The following HEMK2 variants were observed in gnomAD, a reference collection of about 807,000 sequenced individuals.
HEMK2 encodes the protein HemK methyltransferase 2, ETF1 glutamine and histone H4 lysine, also known as methyltransferase HEMK2.
At chr21:28,751,085 GC>G in the HEMK2 span, among the ~76,000 whole-genome samples, 1 of 151,900 alleles carries the variant, frequency 6.6e-6, no homozygotes, top group Non-Finnish European at 1.5e-5. Context: ...CAAAAAATTA[GC>G]CGGGCGTGGT....
chr21:28,683,620 C>G, the HEMK2 span, among the ~76,000 whole-genome samples: 1 of 152,136 alleles, frequency 6.6e-6, no homozygotes, highest in Non-Finnish European at 1.5e-5. Flanking sequence ...GATGCACGTT[C>G]ATGGAATCAC....
At chr21:28,673,437 T>A in the HEMK2 span, among the ~76,000 whole-genome samples, 1 of 151,732 alleles carries the variant, frequency 6.6e-6, no homozygotes, top group Admixed American at 6.6e-5. Context: ...AAACTTCAGA[T>A]AAATTTATAT....
At chr21:28,616,667 T>C in the HEMK2 span, among the ~76,000 whole-genome samples, 2 of 152,200 alleles carry the variant, frequency 1.3e-5, no homozygotes. Context: ...TACTGTGTTC[T>C]TGTAATTTGT....
the HEMK2 span, among the ~76,000 whole-genome samples, chr21:28,652,340 C>T: frequency 6.6e-6 from 1 of 152,156 alleles, no homozygotes; most frequent in African/African-American, 2.4e-5. Flanking sequence ...CCAGGATGAA[C>T]CTATGACCTA....
chr21:28,873,742 T>C, the HEMK2 span: 5 of 152,350 alleles, frequency 3.3e-5, no homozygotes, highest in East Asian at 1.9e-4. Context: ...GTAACTCATT[T>C]GTCTATTGAG....
the HEMK2 span, among the ~76,000 whole-genome samples, chr21:28,765,068 T>C: frequency 6.6e-6 from 1 of 152,084 alleles, no homozygotes; most frequent in Non-Finnish European, 1.5e-5. Flanking sequence ...TTACATAAGA[T>C]TCTAATGTCT....
At chr21:28,878,345 TAGAA>T in the HEMK2 span, 2 of 1,611,614 alleles carry the variant, frequency 1.2e-6, no homozygotes, top group Non-Finnish European at 1.7e-6. Context: ...TGTGAACAAT[TAGAA>T]AGAATGTTTT....
chr21:28,665,239 C>A, the HEMK2 span, among the ~76,000 whole-genome samples: 1 of 150,598 alleles, frequency 6.6e-6, no homozygotes, highest in Non-Finnish European at 1.5e-5. Flanking sequence ...CATCACTGCA[C>A]TCCAGCCTGG....
the HEMK2 span, among the ~76,000 whole-genome samples, chr21:28,801,966 G>A: frequency 6.6e-6 from 1 of 152,054 alleles, no homozygotes; most frequent in Non-Finnish European, 1.5e-5. Context: ...GGCCAATTTG[G>A]CATATCTATT....
chr21:28,809,186 T>A, the HEMK2 span, among the ~76,000 whole-genome samples: 1 of 152,100 alleles, frequency 6.6e-6, no homozygotes. Context: ...TAAGCTAGCC[T>A]TTGAAGAAAG....
At chr21:28,592,833 G>A in the HEMK2 span, among the ~76,000 whole-genome samples, 3 of 152,120 alleles carry the variant, frequency 2.0e-5, no homozygotes, top group Non-Finnish European at 4.4e-5. Context: ...ACTGCACAAA[G>A]GACATGTCGT....
the HEMK2 span, among the ~76,000 whole-genome samples, chr21:28,614,658 A>G: frequency 4.7e-4 from 71 of 152,312 alleles, no homozygotes; most frequent in African/African-American, 1.3e-3. Flanking sequence ...TATAAATTAG[A>G]TTACAGTGAC....
chr21:28,690,940 G>C, the HEMK2 span, among the ~76,000 whole-genome samples: 3 of 152,092 alleles, frequency 2.0e-5, no homozygotes, highest in African/African-American at 7.2e-5. Context: ...GTGCAATTCA[G>C]CAAGCTTCTC....
chr21:28,576,504 A>C, the HEMK2 span, among the ~76,000 whole-genome samples: 2 of 152,034 alleles, frequency 1.3e-5, no homozygotes, highest in Non-Finnish European at 2.9e-5. Flanking sequence ...TGTATTTTTA[A>C]TATATTTCTC....
At chr21:28,784,973 CCT>C in the HEMK2 span, among the ~76,000 whole-genome samples, 93 of 152,316 alleles carry the variant, frequency 6.1e-4, no homozygotes, top group African/African-American at 2.1e-3. Context: ...CGGCTTCACT[CCT>C]GAGGCCGGTG....
At chr21:28,809,349 C>T in the HEMK2 span, among the ~76,000 whole-genome samples, 32 of 152,086 alleles carry the variant, frequency 2.1e-4, no homozygotes, top group Admixed American at 8.5e-4. Context: ...CTCAAATGAT[C>T]GGCTACTGAG....
chr21:28,801,662 A>T, the HEMK2 span, among the ~76,000 whole-genome samples: 1 of 152,198 alleles, frequency 6.6e-6, no homozygotes, highest in Non-Finnish European at 1.5e-5. Flanking sequence ...AACACAATAT[A>T]GCAAAGGATA....
At chr21:28,647,673 C>T in the HEMK2 span, among the ~76,000 whole-genome samples, 519 of 152,122 alleles carry the variant, frequency 3.4e-3, 3 homozygotes, top group African/African-American at 0.012. Context: ...TCCCCAGGGG[C>T]GAGGGTTGAG....
the HEMK2 span, among the ~76,000 whole-genome samples, chr21:28,802,514 A>G: frequency 6.6e-6 from 1 of 152,056 alleles, no homozygotes; most frequent in Non-Finnish European, 1.5e-5. Flanking sequence ...GATTACTTGA[A>G]GTCAGGAGTT....
Sources: allele counts gnomAD v4.1 joint callset (sites outside exome capture counted in the v4.1 genomes callset), GRCh38; gene constraint gnomAD v4.1.1; transcripts MANE v1.5; gene names NCBI Gene and HGNC (gene_info 2026-07-23, HGNC 2026-07-21).